C20orf144: variants seen among roughly 807,000 people sequenced by gnomAD.
C20orf144 encodes chromosome 20 open reading frame 144, also known as uncharacterized protein C20orf144.
A neutral mutation model predicts 3.8 loss-of-function variants in C20orf144; 8 were observed. The observed-to-expected ratio is 2.11, with a 90% CI of 1.24 to 3.80. The LOEUF (loss-of-function observed/expected upper bound fraction) is 3.80, where lower values mean the gene tolerates loss of function less well. C20orf144 is among the 30% of genes most tolerant of loss of function. C20orf144 has a pLI of 0.00. For missense variants in C20orf144, 289 were observed against 224.5 expected (o/e 1.29, Z -1.83); for synonymous variants, 126 against 104.1 (o/e 1.21, Z -1.28).
rs1238269660 is a variant in C20orf144 at position 33,663,739 on chromosome 20, G to A, written c.334G>A (p.Ala112Thr). 2.6e-6 allele frequency: 4 copies of A among 1,525,852 alleles called. No individual in the cohort carries two copies. The highest frequency in any genetic ancestry group is 5.0e-5 in the East Asian group (2 of 40,290). The allele number at this position is 1,525,852 out of a possible 1,614,324, so 94.5% of individuals were successfully genotyped here. A position where few individuals can be genotyped will look rare whatever the true frequency, so the allele number is the denominator to read the frequency against. The change falls in exon 2 of 2, where the codon GCC becomes ACC. Residue 112 changes from alanine to threonine, a missense_variant. Ala to Thr is a moderately conservative substitution (Grantham distance 58). Transcript: ENST00000375222. ...GGCGCGGCGGCCGGAAGAGGGCGGG[G>A]CCAGGGCAGCTCTGAGCTGGCCGCG... ...QEARRPEEGGARAALSWPRLL... is the reference protein window; with the variant it reads ...QEARRPEEGGTRAALSWPRLL...
chr20:33,662,374 C>T lies in C20orf144; in HGVS notation c.29C>T (p.Thr10Ile). 1.9e-6 allele frequency: 3 copies of T among 1,551,446 alleles called. No homozygotes were observed. Among genetic ancestry groups the T allele is most frequent in the Non-Finnish European group, 2.6e-6 (3 of 1,147,020 alleles). Reference protein sequence around the residue: MGNYSSHKRTKAPKQARKER... With the variant: MGNYSSHKRIKAPKQARKER... ...GGAAACTATAGTTCCCACAAAAGGA[C>T]CAAAGCACCCAAGCAGGCCCGCAAG... is the stretch of plus-strand genomic sequence containing the variant. The change falls in exon 1 of 2, where the codon ACC (threonine) becomes ATC (isoleucine). Residue 10 changes from threonine to isoleucine, a missense_variant. Thr to Ile is a moderately conservative substitution (Grantham distance 89, BLOSUM62 -1). Transcript: ENST00000375222.
chr20:33,663,742 A>G lies in C20orf144; in HGVS notation c.337A>G (p.Arg113Gly). The change falls in exon 2 of 2, where the codon AGG (arginine) becomes GGG (glycine). Residue 113 changes from arginine to glycine, a missense_variant. Physicochemically the swap from Arg to Gly is moderately radical, Grantham distance 125 (BLOSUM62 -2). Transcript: ENST00000375222. ...EARRPEEGGARAALSWPRLLS... is the reference protein window; with the variant it reads ...EARRPEEGGAGAALSWPRLLS... ...GCGGCGGCCGGAAGAGGGCGGGGCC[A>G]GGGCAGCTCTGAGCTGGCCGCGGCT... The G allele has an allele frequency of 2.6e-6, 4 of 1,520,832 alleles. No homozygotes were observed. Among genetic ancestry groups the G allele is most frequent in the Middle Eastern group, 2.2e-4 (1 of 4,446 alleles). The allele number at this position is 1,520,832 out of a possible 1,614,324, so 94.2% of individuals were successfully genotyped here. A position where few individuals can be genotyped will look rare whatever the true frequency, so the allele number is the denominator to read the frequency against.
At position 33,663,790 on chromosome 20, in the gene C20orf144, G is replaced by C; in HGVS notation, c.385G>C (p.Gly129Arg). The C allele has an allele frequency of 7.0e-7, 1 of 1,423,616 alleles. No homozygotes were observed. Among genetic ancestry groups the C allele is most frequent in the Non-Finnish European group, 9.1e-7 (1 of 1,099,004 alleles). 88.2% of individuals were successfully genotyped at this position (1,423,616 alleles called of 1,614,324 possible). A position where few individuals can be genotyped will look rare whatever the true frequency, so the allele number is the denominator to read the frequency against. The stretch of plus-strand genomic sequence containing the variant: ...GCTGCTCTCGCGCTTCCGGTCCCCG[G>C]GGAAGGCTCCCCGCGAAGCCGGCCC... ...PRLLSRFRSP[G>R]KAPREAGPAE... The change falls in exon 2 of 2, where the codon GGG (glycine) becomes CGG (arginine). Residue 129 changes from glycine to arginine, a missense_variant. By Grantham distance (125) the Gly-to-Arg change is moderately radical. Coordinates refer to ENST00000375222, the MANE Select transcript of C20orf144 (RefSeq NM_080825.4).
At position 33,662,395 on chromosome 20, in the gene C20orf144, G is replaced by A. The variant is rs1407229518; in HGVS notation, c.50G>A (p.Arg17His). Reference sequence around the variant, plus strand: ...AGGACCAAAGCACCCAAGCAGGCCCGCAAGGAGAGGCCGGCTGACATGGAC... The same window carrying A: ...AGGACCAAAGCACCCAAGCAGGCCCACAAGGAGAGGCCGGCTGACATGGAC... ...HKRTKAPKQARKERPADMDKA... is the reference protein window; with the variant it reads ...HKRTKAPKQAHKERPADMDKA... The change falls in exon 1 of 2, where the codon CGC (arginine) becomes CAC (histidine). Residue 17 changes from arginine (R) to histidine (H), a missense_variant. Coordinates refer to ENST00000375222, the MANE Select transcript of C20orf144 (RefSeq NM_080825.4). 3.5e-5 allele frequency: 54 copies of A among 1,551,462 alleles called. No homozygotes were observed. The highest frequency in any genetic ancestry group is 1.2e-4 in the Admixed American group (6 of 50,988).
At position 33,663,613 on chromosome 20, in the gene C20orf144, G is replaced by A; in HGVS notation, c.208G>A (p.Ala70Thr). Residue 70 changes from alanine (A) to threonine (T), a missense_variant, in exon 2 of 2, where the codon GCT becomes ACT. Transcript: ENST00000375222. ...AGQRIDYASG[A>T]GLGSPAAPRL... ...GCAACGGATTGACTACGCGTCCGGC[G>A]CTGGGCTGGGCTCCCCGGCGGCACC... The A allele has an allele frequency of 6.2e-7, 1 of 1,610,242 alleles. No individual in the cohort carries two copies. Among genetic ancestry groups the A allele is most frequent in the Non-Finnish European group, 8.5e-7 (1 of 1,179,590 alleles).
chr20:33,662,699 G>C (rs1357497094), intron 1 of C20orf144: 2 of 512,758 alleles, frequency 3.9e-6, no homozygotes, highest in South Asian at 4.8e-5. Flanking sequence ...CAACACGTTG[G>C]TAGGCCAAGG....
At chr20:33,663,149 G>T (rs2017534217) in intron 1 of C20orf144, among the ~76,000 whole-genome samples, 1 of 152,220 alleles carries the variant, frequency 6.6e-6, no homozygotes, top group Non-Finnish European at 1.5e-5. Flanking sequence ...TCAGCTCCTA[G>T]GCTCAGAACT....
rs1015234902 is a variant in C20orf144 at position 33,663,899 on chromosome 20, T to A, written c.*32T>A. ...GGCCCGGACCCCGCCCAATAAAGAGTGCGTGGCAACCCTGGCGCCTGCGAA... is the reference window on the plus strand; with the variant it reads ...GGCCCGGACCCCGCCCAATAAAGAGAGCGTGGCAACCCTGGCGCCTGCGAA... On this transcript the variant is annotated 3_prime_UTR_variant, in exon 2 of 2. Transcript: ENST00000375222. The A allele has an allele frequency of 1.5e-6, 2 of 1,368,336 alleles. No homozygotes were observed. The highest frequency in any genetic ancestry group is 1.5e-5 in the African/African-American group (1 of 64,830). The allele number at this position is 1,368,336 out of a possible 1,614,324, so 84.8% of individuals were successfully genotyped here.
rs1381518378 is a variant in C20orf144 at position 33,663,692 on chromosome 20, T to C, written c.287T>C (p.Leu96Pro). Residue 96 changes from leucine (L) to proline (P), a missense_variant, in exon 2 of 2, where the codon CTG becomes CCG. Physicochemically the swap from Leu to Pro is moderately conservative, Grantham distance 98. Transcript: ENST00000375222. ...GAGCGCGAGCCGAGGATGCCGGTAC[T>C]GCTGCTGCTGCGGCGGCAAGAGGCG... is the stretch of plus-strand genomic sequence containing the variant. ...GSEREPRMPV[L>P]LLLRRQEARR... The C allele has an allele frequency of 3.2e-6, 5 of 1,574,298 alleles. No individual in the cohort carries two copies. In the East Asian group the frequency reaches 9.3e-5, roughly 29 times the overall value.
chr20:33,663,735 C>T lies in C20orf144; in HGVS notation c.330C>T (p.Gly110=). 1 of 1,529,560 alleles carries T rather than the reference C, an allele frequency of 6.5e-7. No homozygotes were observed. The allele number at this position is 1,529,560 out of a possible 1,614,324, so 94.7% of individuals were successfully genotyped here. The change falls in exon 2 of 2, where the codon GGC becomes GGT. Residue 110 remains glycine, a synonymous_variant. Coordinates refer to ENST00000375222, the MANE Select transcript of C20orf144 (RefSeq NM_080825.4). ...RRQEARRPEE[G]GARAALSWPR... ...AAGAGGCGCGGCGGCCGGAAGAGGG[C>T]GGGGCCAGGGCAGCTCTGAGCTGGC... is the stretch of plus-strand genomic sequence containing the variant.
chr20:33,662,501 G>A lies in C20orf144; in HGVS notation c.126+30G>A, dbSNP rs747175789. On this transcript the variant is annotated intron_variant, in intron 1 of 1. Transcript: ENST00000375222. Reference sequence around the variant, plus strand: ...GGGCGGGGGATGGGGAGCAGGGCTGGGGAGGCAGCTGGGGGGCAGAGAAAG... The same window carrying A: ...GGGCGGGGGATGGGGAGCAGGGCTGAGGAGGCAGCTGGGGGGCAGAGAAAG... The A allele has an allele frequency of 3.9e-6, 6 of 1,548,782 alleles. No homozygotes were observed. The South Asian group carries it at 7.2e-5, about 18-fold the overall frequency.
Position 33,663,539 on chromosome 20 carries a change from T to G in C20orf144, c.134T>G (p.Ile45Ser). ...CCCCTGTTCCACCCCCAGACCAGGA[T>G]CGTGCTGATTCTCCCCCTGGACAAG... Reference protein sequence around the residue: ...HLTRKKPATRIVLILPLDKRQ... With the variant: ...HLTRKKPATRSVLILPLDKRQ... Residue 45 changes from isoleucine to serine, a missense_variant, in exon 2 of 2, where the codon ATC becomes AGC. Ile to Ser is a moderately radical substitution (Grantham distance 142, BLOSUM62 -2). Coordinates refer to ENST00000375222, the MANE Select transcript of C20orf144 (RefSeq NM_080825.4). 1 of 1,609,480 alleles carries G rather than the reference T, an allele frequency of 6.2e-7. No individual in the cohort carries two copies. Among genetic ancestry groups the G allele is most frequent in the Non-Finnish European group, 8.5e-7 (1 of 1,179,268 alleles).
chr20:33,663,829 C>G lies in C20orf144; in HGVS notation c.424C>G (p.Pro142Ala). ...PREAGPAEEQ[P>A]RKRCRCPRPQ... ...CGAAGCCGGCCCCGCCGAGGAGCAGCCGCGCAAACGGTGCCGCTGCCCTCG... is the reference window on the plus strand; with the variant it reads ...CGAAGCCGGCCCCGCCGAGGAGCAGGCGCGCAAACGGTGCCGCTGCCCTCG... Residue 142 changes from proline (P) to alanine (A), a missense_variant, in exon 2 of 2, where the codon CCG (proline) becomes GCG (alanine). Transcript: ENST00000375222. 1 of 1,413,864 alleles carries G rather than the reference C, an allele frequency of 7.1e-7. No homozygotes were observed. Among genetic ancestry groups the G allele is most frequent in the Non-Finnish European group, 9.1e-7 (1 of 1,095,498 alleles). The allele number at this position is 1,413,864 out of a possible 1,614,324, so 87.6% of individuals were successfully genotyped here.
At chr20:33,662,500 G>A (rs1211381794) in intron 1 of C20orf144, 29 bp downstream of exon 1, 2 of 1,548,800 alleles carry the variant, frequency 1.3e-6, no homozygotes, top group Non-Finnish European at 8.7e-7. Flanking sequence ...GAGCAGGGCT[G>A]GGGAGGCAGC....
At chr20:33,663,379 T>A (rs1313068416) in intron 1 of C20orf144, 153 bp from the exon 2 acceptor site, 2 of 783,920 alleles carry the variant, frequency 2.6e-6, no homozygotes, top group Non-Finnish European at 3.8e-6. Context: ...TGGACAGGGG[T>A]CCCCTCCAGC....
rs942084610 is a variant in C20orf144, at chr20:33,662,467, C to T, written c.122C>T (p.Pro41Leu). 3 of 1,551,416 alleles carry T rather than the reference C, an allele frequency of 1.9e-6. No individual in the cohort carries two copies. The highest frequency in any genetic ancestry group is 2.0e-5 in the Admixed American group (1 of 51,076). Residue 41 changes from proline (P) to leucine (L), a missense_variant, in exon 1 of 2, where the codon CCG becomes CTG. Pro to Leu is a moderately conservative substitution (Grantham distance 98). Transcript: ENST00000375222. Reference protein sequence around the residue: ...SFLNHLTRKKPATRIVLILPL... With the variant: ...SFLNHLTRKKLATRIVLILPL... ...CTCAACCACCTCACTCGGAAGAAGC[C>T]GGCTGTGAGGGCGGGGGATGGGGAG...
At chr20:33,662,577 A>T in intron 1 of C20orf144, 106 bp downstream of exon 1, 1 of 1,308,198 alleles carries the variant, frequency 7.6e-7, no homozygotes. Flanking sequence ...TTGTATGCAG[A>T]AGTCCTAGGG....
At chr20:33,663,265 G>C (rs762174279) in intron 1 of C20orf144, 2 of 539,164 alleles carry the variant, frequency 3.7e-6, no homozygotes, top group Non-Finnish European at 6.5e-6. Flanking sequence ...AACTTAGACG[G>C]AGCTGGTCTC....
chr20:33,662,338 G>C lies in C20orf144; in HGVS notation c.-8G>C, dbSNP rs1385979309. Reference sequence around the variant, plus strand: ...GGGCCATCGTCCCCAGTGGTGACCAGCCCTGCCATGGGAAACTATAGTTCC... The same window carrying C: ...GGGCCATCGTCCCCAGTGGTGACCACCCCTGCCATGGGAAACTATAGTTCC... On this transcript the variant is annotated 5_prime_UTR_variant, in exon 1 of 2. Coordinates refer to ENST00000375222, the MANE Select transcript of C20orf144 (RefSeq NM_080825.4). 2.6e-6 allele frequency: 4 copies of C among 1,550,898 alleles called. No homozygotes were observed. The highest frequency in any genetic ancestry group is 2.6e-6 in the Non-Finnish European group (3 of 1,146,908).
Sources: gnomAD v4.1 joint callset for allele counts (sites outside exome capture counted in the v4.1 genomes callset) on GRCh38, gnomAD v4.1.1 for gene constraint, MANE v1.5 for transcripts, NCBI Gene and HGNC (gene_info 2026-07-23, HGNC 2026-07-21) for gene names.